The following DDC variants were observed in gnomAD, a reference collection of about 807,000 sequenced individuals.
DDC encodes aromatic-L-amino-acid decarboxylase.
DDC carries 43 observed loss-of-function variants against 60.0 expected under a neutral mutation model. The ratio of observed to expected loss-of-function variants is 0.72; its 90% CI spans 0.56 to 0.92. DDC has a LOEUF of 0.92. Among genes scored for constraint, DDC ranks in the 40% least tolerant of loss-of-function variants. The pLI is 0.00. For synonymous variants in DDC, 232 were observed against 234.6 expected (o/e 0.99, Z 0.10); for missense variants, 573 against 620.2 (o/e 0.92, Z 0.81).
intron 1 of DDC, among the ~76,000 whole-genome samples, chr7:50,553,531 G>A (rs2045083205): frequency 1.5e-5 from 2 of 131,682 alleles, no homozygotes; most frequent in Non-Finnish European, 3.1e-5. Context: ...CTGTCGCCCA[G>A]GCTGGAATGC....
At chr7:50,462,846 G>A (rs11575546) in intron 14 of DDC, among the ~76,000 whole-genome samples, 7 of 147,508 alleles carry the variant, frequency 4.7e-5, no homozygotes, top group South Asian at 2.1e-4. Flanking sequence ...CTCGGCTCAC[G>A]GCAACCTCCG....
At chr7:50,504,963 G>T (rs1217919111) in intron 6 of DDC, among the ~76,000 whole-genome samples, 1 of 152,210 alleles carries the variant, frequency 6.6e-6, no homozygotes, top group Non-Finnish European at 1.5e-5. Context: ...TAAATCCTCA[G>T]GAGGTCATGA....
chr7:50,483,451 G>A (rs1214081636), intron 9 of DDC, among the ~76,000 whole-genome samples: 4 of 152,104 alleles, frequency 2.6e-5, no homozygotes, highest in African/African-American at 9.7e-5. Flanking sequence ...ATTGTTTATA[G>A]CTTTTCTGTC....
At chr7:50,533,340 G>T (rs886537015) in intron 4 of DDC, among the ~76,000 whole-genome samples, 12 of 148,956 alleles carry the variant, frequency 8.1e-5, no homozygotes, top group Non-Finnish European at 4.4e-5. Flanking sequence ...CTGTCACCCC[G>T]ACTGGAGTGC....
At chr7:50,550,310 T>C (rs1475440125) in intron 1 of DDC, among the ~76,000 whole-genome samples, 1 of 152,258 alleles carries the variant, frequency 6.6e-6, no homozygotes, top group East Asian at 1.9e-4. Context: ...TATTTTTAAA[T>C]TAAGGTATAT....
rs548557350 is a variant in DDC, at chr7:50,517,964, C to T, written c.714+10173G>A. On this transcript the variant is annotated intron_variant, in intron 6 of 14. Coordinates refer to ENST00000444124, the MANE Select transcript of DDC (RefSeq NM_001082971.2). ...GTGGCTCACACTTGTAATCCCAGCA[C>T]TTTGGGAGGCTGAGATGGGCGGATC... Among the ~76,000 whole-genome samples, 43 of 151,908 alleles carry T rather than the reference C, an allele frequency of 2.8e-4. 1 individual carries two copies. In the East Asian group the frequency reaches 7.4e-3, roughly 26 times the overall value.
chr7:50,504,518 T>C (rs2043340032), intron 6 of DDC, among the ~76,000 whole-genome samples: 1 of 150,962 alleles, frequency 6.6e-6, no homozygotes, highest in African/African-American at 2.4e-5. Context: ...ATATATACAT[T>C]TTAATTTAAT....
At chr7:50,537,176 C>T (rs1318421802) in intron 4 of DDC, among the ~76,000 whole-genome samples, 2 of 152,074 alleles carry the variant, frequency 1.3e-5, no homozygotes, top group Admixed American at 1.3e-4. Context: ...CACACAGTCA[C>T]TCTCAATAGA....
chr7:50,520,504 GT>G (rs1444397660), intron 6 of DDC, among the ~76,000 whole-genome samples: 1 of 152,176 alleles, frequency 6.6e-6, no homozygotes, highest in African/African-American at 2.4e-5. Context: ...GTGGGATGCA[GT>G]GAAACAGTAC....
At chr7:50,493,831 G>A (rs2043063362) in intron 9 of DDC, among the ~76,000 whole-genome samples, 1 of 151,634 alleles carries the variant, frequency 6.6e-6, no homozygotes, top group Middle Eastern at 3.4e-3. Context: ...AAAAAAACAG[G>A]AAAAGGTCAA....
rs771119439 is a variant in DDC, at chr7:50,504,001, C to G, written c.773G>C (p.Gly258Ala). The change falls in exon 7 of 15, where the codon GGT (glycine) becomes GCT (alanine). Residue 258 changes from glycine to alanine, a missense_variant. Transcript: ENST00000444124. ...TGGAATCGGATACTTACAGATAGGA[C>G]CGACTTCTAAGAGATTGTCAAAGGA... ...CCSFDNLLEV[G>A]PICNKEDIWL... 1 of 1,613,110 alleles carries G rather than the reference C, an allele frequency of 6.2e-7. No homozygotes were observed. Among genetic ancestry groups the G allele is most frequent in the Admixed American group, 1.7e-5 (1 of 60,024 alleles).
intron 6 of DDC, among the ~76,000 whole-genome samples, chr7:50,515,910 G>A (rs2043714321): frequency 6.6e-6 from 1 of 152,148 alleles, no homozygotes; most frequent in Admixed American, 6.5e-5. Flanking sequence ...TATTACTAGA[G>A]TTCCCAAATT....
intron 14 of DDC, among the ~76,000 whole-genome samples, chr7:50,460,164 C>T (rs1325662166): frequency 1.3e-4 from 18 of 142,860 alleles, no homozygotes; most frequent in East Asian, 2.2e-4. Context: ...CCTGGCCAGC[C>T]GCCCCGTCCG....
chr7:50,467,887 C>T (rs887771770), intron 12 of DDC, among the ~76,000 whole-genome samples: 1 of 152,240 alleles, frequency 6.6e-6, no homozygotes, highest in Non-Finnish European at 1.5e-5. Context: ...TCCTCCTCCG[C>T]GTTTGCCACC....
At chr7:50,469,654 G>A (rs1051627488) in intron 12 of DDC, among the ~76,000 whole-genome samples, 3 of 152,118 alleles carry the variant, frequency 2.0e-5, no homozygotes, top group African/African-American at 7.2e-5. Context: ...CCAAACTACA[G>A]TCTGGTTCTC....
Position 50,529,060 on chromosome 7 carries a change from C to G in DDC, c.570+148G>C, listed in dbSNP as rs931544561. 4 of 1,055,610 alleles carry G rather than the reference C, an allele frequency of 3.8e-6. No homozygotes were observed. In the African/African-American group the frequency reaches 4.7e-5, roughly 12 times the overall value. The allele number at this position is 1,055,610 out of a possible 1,614,324, so 65.4% of individuals were successfully genotyped here. A position where few individuals can be genotyped will look rare whatever the true frequency, so the allele number is the denominator to read the frequency against. On this transcript the variant is annotated intron_variant, in intron 5 of 14. Coordinates refer to ENST00000444124, the MANE Select transcript of DDC (RefSeq NM_001082971.2). ...TCCAGTTCCCACCCAAGAATCCACC[C>G]CTTCCCTGTAGTTCAGGTCTCTATT...
chr7:50,547,905 T>C (rs915156371), intron 1 of DDC, among the ~76,000 whole-genome samples: 1 of 152,234 alleles, frequency 6.6e-6, no homozygotes, highest in South Asian at 2.1e-4. Flanking sequence ...GTGACAACCC[T>C]GAATCCAGCA....
chr7:50,507,759 C>T (rs912070471), intron 6 of DDC, among the ~76,000 whole-genome samples: 1 of 152,144 alleles, frequency 6.6e-6, no homozygotes, highest in African/African-American at 2.4e-5. Flanking sequence ...AAAACCCGGC[C>T]TTGTCCTGGC....
At chr7:50,508,677 C>T (rs1463444722) in intron 6 of DDC, among the ~76,000 whole-genome samples, 1 of 152,088 alleles carries the variant, frequency 6.6e-6, no homozygotes, top group African/African-American at 2.4e-5. Flanking sequence ...GATCTACAGC[C>T]CCTTTGAGAA....
Sources: gnomAD v4.1 joint callset for allele counts (sites outside exome capture counted in the v4.1 genomes callset) on GRCh38, gnomAD v4.1.1 for gene constraint, MANE v1.5 for transcripts, NCBI Gene and HGNC (gene_info 2026-07-23, HGNC 2026-07-21) for gene names.